The following ZBTB46 variants were observed in gnomAD, a reference collection of about 807,000 sequenced individuals.
ZBTB46 encodes the protein zinc finger and BTB domain-containing protein 46.
A neutral mutation model predicts 44.1 loss-of-function variants in ZBTB46; 8 were observed. The ratio of observed to expected loss-of-function variants is 0.18; its 90% CI spans 0.11 to 0.33. The LOEUF is 0.33. ZBTB46 is among the 10% of genes least tolerant of loss of function. ZBTB46 has a pLI of 1.00. For synonymous variants in ZBTB46, 409 were observed against 382.3 expected (o/e 1.07, Z -0.81); for missense variants, 651 against 847.7 (o/e 0.77, Z 2.88).
At chr20:63,800,711 C>T (rs531497612) in intron 1 of ZBTB46, among the ~76,000 whole-genome samples, 5 of 152,332 alleles carry the variant, frequency 3.3e-5, no homozygotes, top group East Asian at 1.9e-4. Context: ...GGAGGGTGTC[C>T]GCCAGCAGTG....
chr20:63,814,258 A>AG (rs2092735016), intron 1 of ZBTB46, among the ~76,000 whole-genome samples: 1 of 151,814 alleles, frequency 6.6e-6, no homozygotes, highest in Admixed American at 6.6e-5. Context: ...AGAAAAGAAA[A>AG]AAAGAAAGGA....
chr20:63,766,476 A>G (rs891170351), intron 3 of ZBTB46, among the ~76,000 whole-genome samples: 15 of 151,822 alleles, frequency 9.9e-5, no homozygotes, highest in Non-Finnish European at 1.6e-4. Flanking sequence ...TTGGCCTCCC[A>G]AAGTGCTGGG....
intron 3 of ZBTB46, among the ~76,000 whole-genome samples, chr20:63,761,829 A>G (rs2145804409): frequency 6.6e-6 from 1 of 151,294 alleles, no homozygotes; most frequent in Non-Finnish European, 1.5e-5. Context: ...TTATTCTTTG[A>G]CTTGAGGGTT....
intron 1 of ZBTB46, among the ~76,000 whole-genome samples, chr20:63,809,005 AG>A (rs1459978084): frequency 4.5e-4 from 65 of 143,416 alleles, no homozygotes; most frequent in Non-Finnish European, 8.4e-4. Flanking sequence ...AAAAAGAAAA[AG>A]AAAAAAAAAA....
chr20:63,752,636 A>G lies in ZBTB46; in HGVS notation c.1398+50T>C, dbSNP rs546011191. On this transcript the variant is annotated intron_variant, in intron 4 of 4. Coordinates refer to ENST00000245663, the MANE Select transcript of ZBTB46 (RefSeq NM_001369741.1). This position sits in a 1 kb window ranked among gnomAD's most constrained non-coding sequence, Gnocchi z 5.6. ...CCCTCATCAGGACCCGCCTGCCCGG[A>G]CATCGTGGCCACGCGCAGCGCGCGG... 2.1e-6 allele frequency: 3 copies of G among 1,457,214 alleles called. No homozygotes were observed. In the South Asian group the frequency reaches 4.1e-5, roughly 20 times the overall value. 90.3% of individuals were successfully genotyped at this position (1,457,214 alleles called of 1,614,324 possible).
intron 3 of ZBTB46, among the ~76,000 whole-genome samples, chr20:63,771,482 G>C (rs1431821870): frequency 1.3e-5 from 2 of 152,080 alleles, no homozygotes; most frequent in Non-Finnish European, 2.9e-5. Context: ...CAACGCTTCA[G>C]ATCAGCAGAC....
At chr20:63,760,914 C>T (rs1601408739) in intron 3 of ZBTB46, among the ~76,000 whole-genome samples, 1 of 150,654 alleles carries the variant, frequency 6.6e-6, no homozygotes, top group Admixed American at 6.7e-5. Context: ...CTTAACCTCC[C>T]GAAGTGCTGG....
At chr20:63,797,059 C>G (rs938201888) in intron 1 of ZBTB46, among the ~76,000 whole-genome samples, 2 of 152,062 alleles carry the variant, frequency 1.3e-5, no homozygotes, top group African/African-American at 4.8e-5. Context: ...GCACAACGTG[C>G]AGGTTTGTTA....
At chr20:63,779,054 G>A (rs1244811664) in intron 2 of ZBTB46, among the ~76,000 whole-genome samples, 1 of 152,056 alleles carries the variant, frequency 6.6e-6, no homozygotes, top group Non-Finnish European at 1.5e-5. Context: ...GGTGCTGTGT[G>A]CTCACGAGCG....
chr20:63,747,165 G>T lies in ZBTB46; in HGVS notation c.1535C>A (p.Pro512His). 6.2e-7 allele frequency: 1 copy of T among 1,609,800 alleles called. No homozygotes were observed. The highest frequency in any genetic ancestry group is 8.5e-7 in the Non-Finnish European group (1 of 1,178,642). The change falls in exon 5 of 5, where the codon CCC becomes CAC. Residue 512 changes from proline to histidine, a missense_variant. Physicochemically the swap from Pro to His is moderately conservative, Grantham distance 77 (BLOSUM62 -2). Transcript: ENST00000245663. ...GCCGCCTCCGCCGCCATGGTCCAGG[G>T]GCCCGGCCATGCCGCGGCCAGCACA... is the stretch of plus-strand genomic sequence containing the variant. ...TDCAGRGMAG[P>H]LDHGGGGGEG...
intron 1 of ZBTB46, among the ~76,000 whole-genome samples, chr20:63,818,209 G>A (rs996177552): frequency 2.0e-5 from 3 of 152,222 alleles, no homozygotes; most frequent in African/African-American, 7.2e-5. Context: ...AGCCACTGGC[G>A]CCATCCACGC....
intron 3 of ZBTB46, among the ~76,000 whole-genome samples, chr20:63,758,338 A>G (rs1222482385): frequency 6.6e-6 from 1 of 151,576 alleles, no homozygotes; most frequent in African/African-American, 2.4e-5. Context: ...CAAATCACAC[A>G]ATCCCAAACC....
chr20:63,758,454 G>C (rs183043974), intron 3 of ZBTB46, among the ~76,000 whole-genome samples: 23 of 152,022 alleles, frequency 1.5e-4, no homozygotes, highest in Admixed American at 2.6e-4. Context: ...GCTTCCCCAT[G>C]TGTCTCTGCC....
At chr20:63,764,809 G>C (rs963454224) in intron 3 of ZBTB46, among the ~76,000 whole-genome samples, 31 of 152,128 alleles carry the variant, frequency 2.0e-4, no homozygotes, top group African/African-American at 7.2e-4. Flanking sequence ...TCCATGTTGA[G>C]GCTGGTCTCG....
In ZBTB46 at chr20:63,790,187, C is replaced by A. The variant is rs200051086; in HGVS notation, c.571G>T (p.Asp191Tyr). 1.2e-6 allele frequency: 2 copies of A among 1,613,462 alleles called. No individual in the cohort carries two copies. The highest frequency in any genetic ancestry group is 2.2e-5 in the South Asian group (2 of 91,050). ...TCTTTCCCGTAGCTGCTCCCTCCGTCGTGACAGCTGGCGATGGCCGAGTCT... is the reference window on the plus strand; with the variant it reads ...TCTTTCCCGTAGCTGCTCCCTCCGTAGTGACAGCTGGCGATGGCCGAGTCT... ...SGDSAIASCH[D>Y]GGSSYGKEDQ... is the part of the protein sequence containing the mutation. The change falls in exon 2 of 5, where the codon GAC (aspartate) becomes TAC (tyrosine). Residue 191 changes from aspartate to tyrosine, a missense_variant. Physicochemically the swap from Asp to Tyr is radical, Grantham distance 160 (BLOSUM62 -3). Around this residue, in one of 5 missense-constraint regions of ZBTB46, gnomAD observed 385 missense variants for 423.3 expected, o/e 0.91. Coordinates refer to ENST00000245663, the MANE Select transcript of ZBTB46 (RefSeq NM_001369741.1).
chr20:63,826,488 C>T (rs1472141680), intron 1 of ZBTB46, among the ~76,000 whole-genome samples: 17 of 151,656 alleles, frequency 1.1e-4, no homozygotes, highest in Non-Finnish European at 2.1e-4. Flanking sequence ...TTTGGGAGGC[C>T]GAGGCGGGTG....
rs1449268124 is a variant in ZBTB46 at position 63,752,128 on chromosome 20, C to T, written c.1398+558G>A. ...CGCTCTGGGCTGCCTGTGCCCCACCCGCCTCACTGGTTGATCTCACCCACT... is the reference window on the plus strand; with the variant it reads ...CGCTCTGGGCTGCCTGTGCCCCACCTGCCTCACTGGTTGATCTCACCCACT... On this transcript the variant is annotated intron_variant, in intron 4 of 4. Transcript: ENST00000245663. This position sits in a 1 kb window ranked among gnomAD's most constrained non-coding sequence, Gnocchi z 5.6. Among the ~76,000 whole-genome samples the T allele has an allele frequency of 6.6e-6, 1 of 152,142 alleles. No homozygotes were observed. Among genetic ancestry groups the T allele is most frequent in the East Asian group, 1.9e-4 (1 of 5,162 alleles).
At position 63,767,142 on chromosome 20, in the gene ZBTB46, C is replaced by T. The variant is rs746289023; in HGVS notation, c.1222+8536G>A. Among the ~76,000 whole-genome samples, 4 of 152,214 alleles carry T rather than the reference C, an allele frequency of 2.6e-5. No homozygotes were observed. Among genetic ancestry groups the T allele is most frequent in the Admixed American group, 6.5e-5 (1 of 15,288 alleles). On this transcript the variant is annotated intron_variant, in intron 3 of 4. Coordinates refer to ENST00000245663, the MANE Select transcript of ZBTB46 (RefSeq NM_001369741.1). This position sits in a 1 kb window ranked among gnomAD's most constrained non-coding sequence, Gnocchi z 5.0. ...CGTAATTCCACGCCGACACGTGGAG[C>T]GCCGCGCACATGCCAGGCACACACC...
In ZBTB46 at chr20:63,752,492, G is replaced by A. The variant is rs2092177824; in HGVS notation, c.1398+194C>T. ...CCGAAGCCTCTGCAGGGGCCATGTGGCCCAGCCACACCCAGGAGGCCGGGG... is the reference window on the plus strand; with the variant it reads ...CCGAAGCCTCTGCAGGGGCCATGTGACCCAGCCACACCCAGGAGGCCGGGG... On this transcript the variant is annotated intron_variant, in intron 4 of 4. Coordinates refer to ENST00000245663, the MANE Select transcript of ZBTB46 (RefSeq NM_001369741.1). This position sits in a 1 kb window ranked among gnomAD's most constrained non-coding sequence, Gnocchi z 5.6. Among the ~76,000 whole-genome samples, 2 of 152,018 alleles carry A rather than the reference G, an allele frequency of 1.3e-5. No individual in the cohort carries two copies. The highest frequency in any genetic ancestry group is 6.5e-5 in the Admixed American group (1 of 15,282).
Sources: allele counts gnomAD v4.1 joint callset (sites outside exome capture counted in the v4.1 genomes callset), GRCh38; gene constraint gnomAD v4.1.1; regional missense constraint gnomAD v4.1.1; non-coding constraint Gnocchi (gnomAD v3.1); transcripts MANE v1.5; gene names NCBI Gene and HGNC (gene_info 2026-07-23, HGNC 2026-07-21).